Variants in CCDC148 observed in about 807,000 individuals in gnomAD.
CCDC148 encodes the protein coiled-coil domain containing 148, also known as coiled-coil domain-containing protein 148.
A neutral mutation model predicts 85.7 loss-of-function variants in CCDC148; 89 were observed. The ratio of observed to expected loss-of-function variants is 1.04; its 90% CI spans 0.87 to 1.24. The LOEUF is 1.24. CCDC148 is among the 50% of genes most tolerant of loss of function. CCDC148 has a pLI of 0.00. For synonymous variants in CCDC148, 230 were observed against 213.9 expected (o/e 1.08, Z -0.66); for missense variants, 692 against 671.7 (o/e 1.03, Z -0.33).
chr2:158,366,540 C>T (rs1684211869), intron 1 of CCDC148, among the ~76,000 whole-genome samples: 1 of 152,180 alleles, frequency 6.6e-6, no homozygotes, highest in Non-Finnish European at 1.5e-5. Context: ...CCAGCTGTCA[C>T]CCCCTTCAGG....
rs905668015 is a variant in CCDC148, at chr2:158,354,617, A to G, written c.147+3832T>C. ...TACCAACCAAAAAGAGTCCAGGACC[A>G]GATGGATTCACAGCTGAATTCTACC... On this transcript the variant is annotated intron_variant, in intron 2 of 13. Transcript: ENST00000283233. Among the ~76,000 whole-genome samples the G allele has an allele frequency of 1.6e-3, 240 of 152,314 alleles. 2 individuals are homozygous for G. Among genetic ancestry groups the G allele is most frequent in the African/African-American group, 5.5e-3 (228 of 41,576 alleles).
At chr2:158,234,361 CTGTT>C (rs1391549809) in intron 10 of CCDC148, among the ~76,000 whole-genome samples, 2 of 152,206 alleles carry the variant, frequency 1.3e-5, no homozygotes, top group Non-Finnish European at 2.9e-5. Flanking sequence ...GCAATTAAAA[CTGTT>C]TGCGTTTCAG....
At chr2:158,272,346 G>C (rs1462863201) in intron 9 of CCDC148, among the ~76,000 whole-genome samples, 1 of 151,976 alleles carries the variant, frequency 6.6e-6, no homozygotes, top group African/African-American at 2.4e-5. Context: ...GGAGAAGAAG[G>C]GTACAGTAAT....
chr2:158,264,059 A>G (rs911603266), intron 9 of CCDC148, among the ~76,000 whole-genome samples: 1 of 151,888 alleles, frequency 6.6e-6, no homozygotes, highest in Non-Finnish European at 1.5e-5. Flanking sequence ...ATAGATCAGT[A>G]ACCACTGTAA....
chr2:158,357,410 A>G (rs1188985051), intron 2 of CCDC148, among the ~76,000 whole-genome samples: 5 of 152,136 alleles, frequency 3.3e-5, no homozygotes, highest in African/African-American at 1.2e-4. Flanking sequence ...GTGATAGACT[A>G]TTAGGGAGAA....
chr2:158,385,355 G>C (rs1685044138), intron 1 of CCDC148, among the ~76,000 whole-genome samples: 1 of 152,148 alleles, frequency 6.6e-6, no homozygotes, highest in Non-Finnish European at 1.5e-5. Flanking sequence ...ATATATGCTA[G>C]AGGGCAGGAA....
chr2:158,438,221 A>T (rs1687757731), intron 1 of CCDC148, among the ~76,000 whole-genome samples: 1 of 152,190 alleles, frequency 6.6e-6, no homozygotes, highest in African/African-American at 2.4e-5. Flanking sequence ...CTGACTTCAA[A>T]CTATACTACA....
intron 9 of CCDC148, among the ~76,000 whole-genome samples, chr2:158,265,195 G>A (rs1053663718): frequency 7.2e-5 from 11 of 152,034 alleles, no homozygotes; most frequent in Non-Finnish European, 1.6e-4. Flanking sequence ...ATGCTAGGAG[G>A]TTCAGAAATT....
chr2:158,262,716 T>A (rs529091437), intron 9 of CCDC148, among the ~76,000 whole-genome samples: 2 of 151,850 alleles, frequency 1.3e-5, no homozygotes, highest in African/African-American at 4.8e-5. Flanking sequence ...TCAGATCTCA[T>A]GAGAACTCAC....
chr2:158,313,747 A>G lies in CCDC148; in HGVS notation c.903+9T>C. ...AACTTGCCAGTATGTAGGTAGGTCC[A>G]GTACTCACCAAATCATGCCTAGATT... On this transcript the variant is annotated intron_variant, in intron 8 of 13. Coordinates refer to ENST00000283233, the MANE Select transcript of CCDC148 (RefSeq NM_138803.4). The G allele has an allele frequency of 6.2e-7, 1 of 1,612,990 alleles. No individual in the cohort carries two copies. The highest frequency in any genetic ancestry group is 8.5e-7 in the Non-Finnish European group (1 of 1,179,472).
chr2:158,241,195 A>T (rs190571334), intron 10 of CCDC148, among the ~76,000 whole-genome samples: 1 of 152,356 alleles, frequency 6.6e-6, no homozygotes, highest in Non-Finnish European at 1.5e-5. Flanking sequence ...GTGTGTACAC[A>T]TGCATATACA....
intron 1 of CCDC148, among the ~76,000 whole-genome samples, chr2:158,409,086 G>A (rs908179145): frequency 2.0e-5 from 3 of 151,942 alleles, no homozygotes; most frequent in African/African-American, 7.2e-5. Context: ...ATATATATAT[G>A]TATATATAAT....
intron 3 of CCDC148, among the ~76,000 whole-genome samples, chr2:158,343,403 T>G (rs1050027765): frequency 6.6e-6 from 1 of 152,166 alleles, no homozygotes; most frequent in African/African-American, 2.4e-5. Flanking sequence ...TCTGTAAAAC[T>G]GAGAGAGCAA....
At chr2:158,246,686 A>G (rs765696547) in intron 10 of CCDC148, among the ~76,000 whole-genome samples, 2 of 152,176 alleles carry the variant, frequency 1.3e-5, no homozygotes, top group Non-Finnish European at 2.9e-5. Context: ...AAATAGCACA[A>G]AGTCACATAG....
intron 9 of CCDC148, among the ~76,000 whole-genome samples, chr2:158,256,842 T>C (rs1169611933): frequency 6.6e-6 from 1 of 151,748 alleles, no homozygotes; most frequent in Non-Finnish European, 1.5e-5. Flanking sequence ...TCTCTACTTC[T>C]CTAGCACATT....
intron 9 of CCDC148, among the ~76,000 whole-genome samples, chr2:158,274,884 A>C (rs1168027797): frequency 6.6e-6 from 1 of 152,250 alleles, no homozygotes; most frequent in African/African-American, 2.4e-5. Flanking sequence ...TGGGGACCAG[A>C]AGAAAAACTG....
intron 3 of CCDC148, among the ~76,000 whole-genome samples, chr2:158,341,167 G>C (rs1049068894): frequency 6.6e-6 from 1 of 152,100 alleles, no homozygotes; most frequent in African/African-American, 2.4e-5. Context: ...ATACTAATAA[G>C]AGCAACAAAT....
chr2:158,228,830 G>T (rs1687700927), intron 10 of CCDC148, among the ~76,000 whole-genome samples: 1 of 128,448 alleles, frequency 7.8e-6, no homozygotes, highest in Non-Finnish European at 1.6e-5. Flanking sequence ...GAGGGGGGAG[G>T]GATAGTATTT....
At chr2:158,219,285 A>G (rs1687049134) in intron 11 of CCDC148, among the ~76,000 whole-genome samples, 1 of 152,190 alleles carries the variant, frequency 6.6e-6, no homozygotes, top group African/African-American at 2.4e-5. Context: ...TCTCTTCTTT[A>G]TCTTTGGTGA....
Sources: allele counts gnomAD v4.1 joint callset (sites outside exome capture counted in the v4.1 genomes callset), GRCh38; gene constraint gnomAD v4.1.1; transcripts MANE v1.5; gene names NCBI Gene and HGNC (gene_info 2026-07-23, HGNC 2026-07-21).